Variants in CSMD1 observed in about 807,000 individuals in gnomAD.
CSMD1 encodes CUB and Sushi multiple domains 1.
A neutral mutation model predicts 417.5 loss-of-function variants in CSMD1; 213 were observed. The observed-to-expected ratio is 0.51, with a 90% CI of 0.46 to 0.57. The LOEUF is 0.57. Ranked by LOEUF, CSMD1 falls within the 20% of genes least tolerant of loss-of-function variation. The pLI is 0.00. For synonymous variants in CSMD1, 2,862 were observed against 1,736.8 expected (o/e 1.65, Z -16.11); for missense variants, 6,923 against 4,529.7 (o/e 1.53, Z -15.17).
chr8:4,312,980 T>C (rs944143809), intron 3 of CSMD1, among the ~76,000 whole-genome samples: 2 of 152,160 alleles, frequency 1.3e-5, no homozygotes, highest in Non-Finnish European at 2.9e-5. Flanking sequence ...GCAAGGTAAG[T>C]TTTGCGGGGA....
chr8:4,322,410 AG>A (rs1282593870), intron 3 of CSMD1, among the ~76,000 whole-genome samples: 2 of 152,172 alleles, frequency 1.3e-5, no homozygotes, highest in African/African-American at 4.8e-5. Context: ...CCTATTAGCA[AG>A]GTGACTACAT....
intron 41 of CSMD1, among the ~76,000 whole-genome samples, chr8:3,124,622 G>A (rs1563066776): frequency 6.6e-6 from 1 of 152,042 alleles, no homozygotes; most frequent in African/African-American, 2.4e-5. Context: ...TAAAGTGTGT[G>A]CCCCTTTTCA....
chr8:3,876,573 G>T (rs934565044), intron 5 of CSMD1, among the ~76,000 whole-genome samples: 2 of 152,078 alleles, frequency 1.3e-5, no homozygotes, highest in African/African-American at 4.8e-5. Context: ...CTAAAATGAG[G>T]TACTGGCTTT....
intron 3 of CSMD1, among the ~76,000 whole-genome samples, chr8:4,060,678 T>A (rs1316525176): frequency 2.0e-5 from 3 of 152,002 alleles, no homozygotes; most frequent in African/African-American, 7.2e-5. Context: ...TGAACATAGA[T>A]AAGGCCTGAG....
intron 22 of CSMD1, among the ~76,000 whole-genome samples, chr8:3,347,628 C>G (rs1166893584): frequency 6.6e-6 from 1 of 152,204 alleles, no homozygotes; most frequent in East Asian, 1.9e-4. Context: ...AGACACAATG[C>G]TAGGAACATC....
At chr8:3,135,808 T>G (rs1818046952) in intron 41 of CSMD1, among the ~76,000 whole-genome samples, 1 of 150,582 alleles carries the variant, frequency 6.6e-6, no homozygotes, top group South Asian at 2.1e-4. Context: ...ACCAAGAAAG[T>G]GTTCCCAAAA....
At chr8:4,802,886 G>A (rs1798381607) in intron 1 of CSMD1, among the ~76,000 whole-genome samples, 1 of 152,176 alleles carries the variant, frequency 6.6e-6, no homozygotes. Context: ...TCATATCCGT[G>A]TGTTTTCAAA....
At chr8:3,772,918 G>C (rs1040143542) in intron 5 of CSMD1, among the ~76,000 whole-genome samples, 3 of 152,026 alleles carry the variant, frequency 2.0e-5, no homozygotes, top group Middle Eastern at 3.2e-3. Context: ...TAAAAGACAT[G>C]TTTATGGCTC....
intron 1 of CSMD1, among the ~76,000 whole-genome samples, chr8:4,654,217 A>G (rs146421578): frequency 2.0e-5 from 3 of 152,208 alleles, no homozygotes; most frequent in Non-Finnish European, 4.4e-5. Context: ...AGTAATCTCA[A>G]TATGTCTAAA....
intron 12 of CSMD1, among the ~76,000 whole-genome samples, chr8:3,419,365 G>T (rs1585137047): frequency 1.3e-5 from 2 of 152,040 alleles, no homozygotes; most frequent in African/African-American, 4.8e-5. Flanking sequence ...GAAGGATGAA[G>T]GTGCTGATCA....
chr8:4,076,789 C>CA (rs1799844181), intron 3 of CSMD1, among the ~76,000 whole-genome samples: 1 of 152,156 alleles, frequency 6.6e-6, no homozygotes, highest in African/African-American at 2.4e-5. Context: ...ACAACCATAT[C>CA]AGAGTATACA....
chr8:3,032,371 C>G (rs1467325445), intron 50 of CSMD1, among the ~76,000 whole-genome samples: 1 of 151,876 alleles, frequency 6.6e-6, no homozygotes, highest in South Asian at 2.1e-4. Flanking sequence ...AGAAAAGGTA[C>G]AGTCTTTGTC....
chr8:3,852,154 T>G (rs1452440187), intron 5 of CSMD1, among the ~76,000 whole-genome samples: 2 of 152,168 alleles, frequency 1.3e-5, no homozygotes, highest in African/African-American at 2.4e-5. Context: ...ATAAGAATAC[T>G]TGATTCTACA....
intron 2 of CSMD1, among the ~76,000 whole-genome samples, chr8:4,558,413 C>CT (rs1270720053): frequency 6.6e-6 from 1 of 152,122 alleles, no homozygotes; most frequent in African/African-American, 2.4e-5. Flanking sequence ...TTTTTTAACT[C>CT]TAACAAAGTA....
intron 1 of CSMD1, among the ~76,000 whole-genome samples, chr8:4,677,515 T>A (rs1412452111): frequency 6.6e-6 from 1 of 152,188 alleles, no homozygotes; most frequent in African/African-American, 2.4e-5. Flanking sequence ...GAAGAAATTT[T>A]CCAGTGAAGG....
chr8:3,233,843 G>A (rs1798994175), intron 26 of CSMD1, among the ~76,000 whole-genome samples: 1 of 142,884 alleles, frequency 7.0e-6, no homozygotes, highest in Non-Finnish European at 1.5e-5. Flanking sequence ...GATCTGCCTG[G>A]AACAACAGAA....
intron 49 of CSMD1, among the ~76,000 whole-genome samples, chr8:3,058,752 G>A (rs1187267768): frequency 1.3e-5 from 2 of 151,862 alleles, no homozygotes; most frequent in African/African-American, 2.4e-5. Context: ...CAAGGATTTA[G>A]ACTATCCTAA....
rs2975382 is a variant in CSMD1 at position 3,852,399 on chromosome 8, A to G, written c.819-98357T>C. Among the ~76,000 whole-genome samples, 1,309 of 152,294 alleles carry G rather than the reference A, an allele frequency of 8.6e-3. 18 individuals carry two copies. The highest frequency in any genetic ancestry group is 0.023 in the African/African-American group (976 of 41,568). On this transcript the variant is annotated intron_variant, in intron 5 of 69. Transcript: ENST00000635120. ...CTCCCAGCCAAGTGGATGAGCATGTACAGTGAACCACACTCCCCTGTGCTG... is the reference window on the plus strand; with the variant it reads ...CTCCCAGCCAAGTGGATGAGCATGTGCAGTGAACCACACTCCCCTGTGCTG...
chr8:3,459,453 C>A (rs754740586), intron 12 of CSMD1, among the ~76,000 whole-genome samples: 4 of 152,176 alleles, frequency 2.6e-5, no homozygotes, highest in Non-Finnish European at 5.9e-5. Context: ...CCCACCCTGA[C>A]CTGAATCTCC....
Sources: gnomAD v4.1 joint callset for allele counts (sites outside exome capture counted in the v4.1 genomes callset) on GRCh38, gnomAD v4.1.1 for gene constraint, MANE v1.5 for transcripts, NCBI Gene and HGNC (gene_info 2026-07-23, HGNC 2026-07-21) for gene names.